DNAJC10: variants seen among roughly 807,000 people sequenced by gnomAD.
DNAJC10 encodes the protein endoplasmic reticulum disulfide reductase DNAJC10.
DNAJC10 carries 101 observed loss-of-function variants against 115.0 expected under a neutral mutation model. The ratio of observed to expected loss-of-function variants is 0.88; its 90% CI spans 0.75 to 1.04. The LOEUF is 1.04. Ranked by LOEUF, DNAJC10 falls within the 50% of genes least tolerant of loss-of-function variation. The pLI, the probability that DNAJC10 is intolerant of heterozygous loss-of-function variation, is 0.00. For missense variants in DNAJC10, 981 were observed against 928.8 expected, an observed-to-expected ratio of 1.06 and a Z score of -0.73; for synonymous variants, 307 against 301.5, an observed-to-expected ratio of 1.02 and a Z score of -0.19.
chr2:182,738,496 G>A (rs1300970232), intron 11 of DNAJC10, among the ~76,000 whole-genome samples: 1 of 151,946 alleles, frequency 6.6e-6, no homozygotes, highest in Non-Finnish European at 1.5e-5. Flanking sequence ...AACAGGGAGT[G>A]GTGAATTAAA....
chr2:182,762,042 G>A (rs972775033), intron 21 of DNAJC10, among the ~76,000 whole-genome samples: 1 of 152,010 alleles, frequency 6.6e-6, no homozygotes, highest in South Asian at 2.1e-4. Flanking sequence ...TTGGTCAAGC[G>A]GTCACTGGTG....
chr2:182,731,418 T>C (rs2105625595), intron 9 of DNAJC10, among the ~76,000 whole-genome samples: 1 of 152,250 alleles, frequency 6.6e-6, no homozygotes, highest in East Asian at 1.9e-4. Flanking sequence ...ACTAGTTGTT[T>C]ACAGCTCTAA....
Position 182,792,977 on chromosome 2 carries a change from G to T in DNAJC10, c.*15845G>T, listed in dbSNP as rs1574970583. The T allele has an allele frequency of 6.6e-6, 1 of 150,984 alleles. No individual in the cohort carries two copies. Among genetic ancestry groups the T allele is most frequent in the South Asian group, 2.1e-4 (1 of 4,800 alleles). The allele number at this position is 150,984 out of a possible 1,614,324, so 9.4% of individuals were successfully genotyped here. On this transcript the variant is annotated 3_prime_UTR_variant, in exon 24 of 24. Transcript: ENST00000264065. Reference sequence around the variant, plus strand: ...GTTAGAAGATGTGCTGTGAAATAAAGAAAAAGGTAGACCAGGGTATGAGGG... The same window carrying T: ...GTTAGAAGATGTGCTGTGAAATAAATAAAAAGGTAGACCAGGGTATGAGGG...
chr2:182,763,165 A>G (rs1694328930), intron 22 of DNAJC10, among the ~76,000 whole-genome samples: 1 of 152,042 alleles, frequency 6.6e-6, no homozygotes, highest in Admixed American at 6.6e-5. Flanking sequence ...ACTCTATAAT[A>G]CACACTGCTG....
chr2:182,751,447 T>G (rs1002142802), intron 14 of DNAJC10, among the ~76,000 whole-genome samples: 1 of 152,150 alleles, frequency 6.6e-6, no homozygotes, highest in African/African-American at 2.4e-5. Flanking sequence ...TTTGACATTT[T>G]TAACTAGTCC....
At chr2:182,754,943 A>C (rs1694118460) in intron 16 of DNAJC10, 60 bp from the exon 17 acceptor site, 1 of 1,363,032 alleles carries the variant, frequency 7.3e-7, no homozygotes, top group Non-Finnish European at 1.0e-6. Flanking sequence ...ACTTGTTATA[A>C]ATTTGTAACA....
At chr2:182,722,987 T>C (rs559309133) in intron 5 of DNAJC10, among the ~76,000 whole-genome samples, 169 of 151,378 alleles carry the variant, frequency 1.1e-3, no homozygotes, top group African/African-American at 3.7e-3. Context: ...GTTAAAAATT[T>C]ATTACAGCTA....
At chr2:182,717,314 T>A (rs575214484) in intron 2 of DNAJC10, among the ~76,000 whole-genome samples, 29 of 152,314 alleles carry the variant, frequency 1.9e-4, no homozygotes, top group Admixed American at 1.6e-3. Flanking sequence ...GCAATAAAAT[T>A]ACACTGGTAA....
At chr2:182,748,275 C>G (rs913187476) in intron 14 of DNAJC10, among the ~76,000 whole-genome samples, 1 of 151,938 alleles carries the variant, frequency 6.6e-6, no homozygotes, top group East Asian at 1.9e-4. Flanking sequence ...CCCTCTTTTT[C>G]TATTGATTGG....
intron 13 of DNAJC10, among the ~76,000 whole-genome samples, chr2:182,742,241 G>T (rs1056234190): frequency 3.9e-5 from 6 of 152,172 alleles, no homozygotes; most frequent in African/African-American, 1.4e-4. Flanking sequence ...CTGGAGTTCA[G>T]TGGCGTGCTC....
chr2:182,758,778 T>C, intron 19 of DNAJC10, 59 bp from the exon 20 acceptor site: 1 of 1,187,090 alleles, frequency 8.4e-7, no homozygotes, highest in Admixed American at 1.8e-5. Flanking sequence ...AAGATTGTTT[T>C]CTGAATACAT....
intron 14 of DNAJC10, among the ~76,000 whole-genome samples, chr2:182,745,879 G>C (rs568207864): frequency 3.1e-4 from 47 of 152,054 alleles, no homozygotes; most frequent in African/African-American, 1.1e-3. Flanking sequence ...CCCATGCTAT[G>C]TCTCCCCACT....
Position 182,793,598 on chromosome 2 carries a change from T to C in DNAJC10, c.*16466T>C, listed in dbSNP as rs1028953935. ...GATAGGCATTTGCCTTATTTGGACA[T>C]GGTCTGCTCCAAATAAGGCAAGTTG... On this transcript the variant is annotated 3_prime_UTR_variant, in exon 24 of 24. Transcript: ENST00000264065. 1.3e-5 allele frequency: 2 copies of C among 152,106 alleles called. No homozygotes were observed. Among genetic ancestry groups the C allele is most frequent in the African/African-American group, 4.8e-5 (2 of 41,418 alleles). 9.4% of individuals were successfully genotyped at this position (152,106 alleles called of 1,614,324 possible).
chr2:182,749,123 G>A (rs1693949127), intron 14 of DNAJC10, among the ~76,000 whole-genome samples: 1 of 151,946 alleles, frequency 6.6e-6, no homozygotes, highest in Non-Finnish European at 1.5e-5. Flanking sequence ...TGAAAAAAAT[G>A]TATATTCTGT....
chr2:182,727,636 C>T (rs1276791846), intron 5 of DNAJC10, among the ~76,000 whole-genome samples: 1 of 152,212 alleles, frequency 6.6e-6, no homozygotes, highest in Non-Finnish European at 1.5e-5. Flanking sequence ...TAGGTGAACA[C>T]TGAGTCCTGC....
chr2:182,753,165 T>C (rs1286478907), intron 16 of DNAJC10, among the ~76,000 whole-genome samples: 1 of 151,950 alleles, frequency 6.6e-6, no homozygotes, highest in Non-Finnish European at 1.5e-5. Flanking sequence ...ATCTTGGGAG[T>C]AGACTAGAAA....
intron 11 of DNAJC10, chr2:182,739,480 CTGTTT>C (rs1559006669): frequency 3.6e-6 from 4 of 1,121,860 alleles, no homozygotes; most frequent in African/African-American, 3.3e-5. Context: ...ATATTAAACT[CTGTTT>C]TGTCAACTTT....
At chr2:182,763,283 T>A (rs1161742260) in intron 22 of DNAJC10, among the ~76,000 whole-genome samples, 1 of 152,122 alleles carries the variant, frequency 6.6e-6, no homozygotes, top group Non-Finnish European at 1.5e-5. Context: ...TGATAAAGTA[T>A]TTGCCATGTA....
Position 182,783,328 on chromosome 2 carries a change from G to C in DNAJC10, c.*6196G>C, listed in dbSNP as rs984965217. ...TAAAACATTAGCTAACTAAAACATG[G>C]TTCTGAAGCCAGTTAACTAGCAAAA... On this transcript the variant is annotated 3_prime_UTR_variant, in exon 24 of 24. Coordinates refer to ENST00000264065, the MANE Select transcript of DNAJC10 (RefSeq NM_018981.4). 7 of 152,084 alleles carry C rather than the reference G, an allele frequency of 4.6e-5. No individual in the cohort carries two copies. Among genetic ancestry groups the C allele is most frequent in the African/African-American group, 1.7e-4 (7 of 41,430 alleles). The allele number at this position is 152,084 out of a possible 1,614,324, so 9.4% of individuals were successfully genotyped here.
Sources: gnomAD v4.1 joint callset for allele counts (sites outside exome capture counted in the v4.1 genomes callset) on GRCh38, gnomAD v4.1.1 for gene constraint, MANE v1.5 for transcripts, NCBI Gene and HGNC (gene_info 2026-07-23, HGNC 2026-07-21) for gene names.